YWHAZ: variants seen among roughly 807,000 people sequenced by gnomAD.
YWHAZ encodes tyrosine 3-monooxygenase/tryptophan 5-monooxygenase activation protein zeta, also known as 14-3-3 protein zeta/delta.
For missense variants in YWHAZ, 79 were observed against 284.8 expected, an observed-to-expected ratio of 0.28 and a Z score of 5.20; for synonymous variants, 87 against 103.6, an observed-to-expected ratio of 0.84 and a Z score of 0.97.
chr8:100,945,584 C>A (rs993233453), intron 2 of YWHAZ, among the ~76,000 whole-genome samples: 1 of 151,852 alleles, frequency 6.6e-6, no homozygotes, highest in Non-Finnish European at 1.5e-5. Context: ...CATGTAAGAT[C>A]TTAAAAATAT....
upstream of YWHAZ, chr8:100,952,979 C>G (rs1810911324): frequency 3.0e-6 from 3 of 1,000,662 alleles, no homozygotes; most frequent in Non-Finnish European, 3.6e-6. Flanking sequence ...CGCTCGGTGA[C>G]TGCGCGAGGG....
At chr8:100,950,386 C>G (rs1810623952) in intron 1 of YWHAZ, 13 of 985,468 alleles carry the variant, frequency 1.3e-5, no homozygotes, top group Non-Finnish European at 1.6e-5. Context: ...CAGGACTCAC[C>G]GCACCCATTT....
intron 2 of YWHAZ, among the ~76,000 whole-genome samples, chr8:100,943,699 T>C (rs936995052): frequency 6.6e-6 from 1 of 152,094 alleles, no homozygotes; most frequent in African/African-American, 2.4e-5. Flanking sequence ...CCAAAGACAC[T>C]GTCCAGGCCG....
chr8:100,928,877 A>G (rs1813562455), intron 2 of YWHAZ, among the ~76,000 whole-genome samples: 1 of 152,336 alleles, frequency 6.6e-6, no homozygotes, highest in East Asian at 1.9e-4. Flanking sequence ...ACAGGACATG[A>G]ATGGCTCCAA....
At chr8:100,946,452 A>C (rs1408856291) in intron 2 of YWHAZ, among the ~76,000 whole-genome samples, 2 of 152,166 alleles carry the variant, frequency 1.3e-5, no homozygotes, top group Admixed American at 6.5e-5. Context: ...TCGGGAGGTC[A>C]AGGCAGAAGA....
rs1461996264 is a variant in YWHAZ at position 100,922,713 on chromosome 8, T to C, written c.678+1242A>G. The C allele has an allele frequency of 6.6e-6, 1 of 152,224 alleles. No individual in the cohort carries two copies. Among genetic ancestry groups the C allele is most frequent in the Non-Finnish European group, 1.5e-5 (1 of 68,072 alleles). The allele number at this position is 152,224 out of a possible 1,614,324, so 9.4% of individuals were successfully genotyped here. On this transcript the variant is annotated intron_variant, in intron 5 of 5. Transcript: ENST00000395958. The surrounding 1 kb of genome is among the most constrained non-coding windows in gnomAD (Gnocchi z 4.1). ...CTGGTTTTCTTATTGCAATATGCGC[T>C]CTTCATGCTATACTGATAGCAAAAT...
At chr8:100,950,868 AC>A in intron 1 of YWHAZ, 1 of 159,724 alleles carries the variant, frequency 6.3e-6, no homozygotes, top group African/African-American at 2.4e-5. Context: ...CGAGAGCCAC[AC>A]CCAGCCGAGC....
chr8:100,936,426 A>C lies in YWHAZ; in HGVS notation c.295-11387T>G, dbSNP rs116071105. Among the ~76,000 whole-genome samples the C allele has an allele frequency of 5.2e-3, 791 of 152,350 alleles. 9 individuals carry two copies. The highest frequency in any genetic ancestry group is 0.017 in the African/African-American group (719 of 41,566). ...ATATAATTGGTTAAGTAACAGGACAACACCACATGCCTCCTAATATAATGC... is the reference window on the plus strand; with the variant it reads ...ATATAATTGGTTAAGTAACAGGACACCACCACATGCCTCCTAATATAATGC... On this transcript the variant is annotated intron_variant, in intron 2 of 5. Coordinates refer to ENST00000395958, the MANE Select transcript of YWHAZ (RefSeq NM_145690.3).
chr8:100,932,631 A>G (rs1377181721), intron 2 of YWHAZ, among the ~76,000 whole-genome samples: 2 of 152,216 alleles, frequency 1.3e-5, no homozygotes, highest in African/African-American at 2.4e-5. Context: ...TGAGAGGCTC[A>G]ATTCATTTAA....
intron 2 of YWHAZ, chr8:100,931,918 A>G (rs918358201): frequency 6.6e-6 from 1 of 152,196 alleles, no homozygotes; most frequent in Non-Finnish European, 1.5e-5. Flanking sequence ...CATATCAAAG[A>G]ACAAAAGAAA....
chr8:100,942,389 A>G (rs1354415912), intron 2 of YWHAZ, among the ~76,000 whole-genome samples: 1 of 152,238 alleles, frequency 6.6e-6, no homozygotes, highest in Admixed American at 6.5e-5. Context: ...CAAGCTTTTC[A>G]TAATTAAATG....
chr8:100,940,566 A>G (rs1242618887), intron 2 of YWHAZ, among the ~76,000 whole-genome samples: 1 of 152,254 alleles, frequency 6.6e-6, no homozygotes, highest in African/African-American at 2.4e-5. Context: ...CAAATATTAA[A>G]TAAAAAATTT....
intron 2 of YWHAZ, among the ~76,000 whole-genome samples, chr8:100,944,649 C>T (rs17365948): frequency 0.04 from 6,045 of 152,238 alleles, 147 homozygotes; most frequent in Non-Finnish European, 0.057. Flanking sequence ...CTTCAATCTT[C>T]GAAATTCCAT....
intron 2 of YWHAZ, among the ~76,000 whole-genome samples, chr8:100,930,035 A>T (rs1813655993): frequency 6.6e-6 from 1 of 152,242 alleles, no homozygotes; most frequent in African/African-American, 2.4e-5. Flanking sequence ...ACTGAAATAA[A>T]GTCTGAAGTA....
Position 100,919,709 on chromosome 8 carries a change from A to G in YWHAZ, c.*984T>C, listed in dbSNP as rs1433963781. ...GAAAGTAGTTGAAAAGTCCATTCAT[A>G]AAACTTTTATTCCACTTACATGAAT... On this transcript the variant is annotated 3_prime_UTR_variant, in exon 6 of 6. Transcript: ENST00000395958. 3.3e-5 allele frequency: 5 copies of G among 152,532 alleles called. No homozygotes were observed. The highest frequency in any genetic ancestry group is 3.3e-4 in the Admixed American group (5 of 15,286). The allele number at this position is 152,532 out of a possible 1,614,324, so 9.4% of individuals were successfully genotyped here.
At chr8:100,934,199 A>C (rs1262053150) in intron 2 of YWHAZ, among the ~76,000 whole-genome samples, 1 of 141,070 alleles carries the variant, frequency 7.1e-6, no homozygotes, top group Non-Finnish European at 1.5e-5. Flanking sequence ...AGCCTAGTGT[A>C]GTGTGCACTT....
In YWHAZ at chr8:100,924,684, T is replaced by C. The variant is rs11993430; in HGVS notation, c.418+232A>G. Among the ~76,000 whole-genome samples the C allele has an allele frequency of 0.053, 8,059 of 152,212 alleles. 737 individuals are homozygous for C. The highest frequency in any genetic ancestry group is 0.18 in the African/African-American group (7,550 of 41,508). On this transcript the variant is annotated intron_variant, in intron 3 of 5. Transcript: ENST00000395958. This position sits in a 1 kb window ranked among gnomAD's most constrained non-coding sequence, Gnocchi z 5.7. ...AGATGTTGCTCAGGCTGGTCACTTT[T>C]CTTAAAATCTTGAAAAAACATCCCT... is the stretch of plus-strand genomic sequence containing the variant.
At chr8:100,940,338 G>A (rs778659958) in intron 2 of YWHAZ, among the ~76,000 whole-genome samples, 5 of 152,140 alleles carry the variant, frequency 3.3e-5, no homozygotes, top group East Asian at 1.9e-4. Flanking sequence ...TAAGTGGCAC[G>A]CTATGTATTA....
intron 1 of YWHAZ, among the ~76,000 whole-genome samples, chr8:100,949,148 TCAG>T (rs1810521125): frequency 6.6e-6 from 1 of 152,194 alleles, no homozygotes; most frequent in African/African-American, 2.4e-5. Context: ...TAAAATTTGT[TCAG>T]AAGACCCAAA....
Sources: gnomAD v4.1 joint callset for allele counts (sites outside exome capture counted in the v4.1 genomes callset) on GRCh38, gnomAD v4.1.1 for gene constraint, Gnocchi (gnomAD v3.1) non-coding constraint, MANE v1.5 for transcripts, NCBI Gene and HGNC (gene_info 2026-07-23, HGNC 2026-07-21) for gene names.